The following COL4A3 variants were observed in gnomAD, a reference collection of about 807,000 sequenced individuals.
COL4A3 encodes collagen alpha-3(IV) chain.
In COL4A3, 135 loss-of-function variants were observed where a neutral mutation model predicts 217.4. That is an observed-to-expected ratio of 0.62 (90% confidence interval 0.54 to 0.72). The LOEUF (loss-of-function observed/expected upper bound fraction) is 0.72. COL4A3 is among the 30% of genes least tolerant of loss of function. COL4A3 has a pLI of 0.00. For synonymous variants in COL4A3, 690 were observed against 736.3 expected, an observed-to-expected ratio of 0.94 and a Z score of 1.02; for missense variants, 1,868 against 2,119.9, an observed-to-expected ratio of 0.88 and a Z score of 2.33.
intron 26 of COL4A3, among the ~76,000 whole-genome samples, chr2:227,275,169 CTGTTGT>C (rs200536643): frequency 4.6e-5 from 7 of 151,144 alleles, no homozygotes; most frequent in Admixed American, 1.3e-4. Context: ...ACCAAATGCT[CTGTTGT>C]TGTTGTTGTT....
At chr2:227,221,740 CCT>C (rs1270086376) in intron 1 of COL4A3, among the ~76,000 whole-genome samples, 11 of 152,120 alleles carry the variant, frequency 7.2e-5, no homozygotes, top group Admixed American at 5.9e-4. Context: ...TTTTCTTCCC[CCT>C]GTTAGAACAT....
chr2:227,219,121 A>G (rs1013595408), intron 1 of COL4A3, among the ~76,000 whole-genome samples: 4 of 152,036 alleles, frequency 2.6e-5, no homozygotes, highest in Admixed American at 2.6e-4. Flanking sequence ...CGGCCTCCCA[A>G]GTAGCTGGGA....
chr2:227,191,822 A>G lies in COL4A3; in HGVS notation c.87+27009A>G, dbSNP rs1040005494. 6.6e-6 allele frequency among the ~76,000 whole-genome samples: 1 copy of G among 152,244 alleles called. No individual in the cohort carries two copies. The highest frequency in any genetic ancestry group is 1.5e-5 in the Non-Finnish European group (1 of 68,044). On this transcript the variant is annotated intron_variant, in intron 1 of 51. Transcript: ENST00000396578. This position sits in a 1 kb window ranked among gnomAD's most constrained non-coding sequence, Gnocchi z 6.8. ...AATTAGTTTCTGGAACGCTAATAAT[A>G]AGAAGAACTTAGAATATTACAGATT...
At chr2:227,278,751 A>T (rs746245739) in intron 28 of COL4A3, among the ~76,000 whole-genome samples, 2 of 152,196 alleles carry the variant, frequency 1.3e-5, no homozygotes, top group Non-Finnish European at 2.9e-5. Flanking sequence ...TGACTGTGGG[A>T]ACCAGAACTA....
intron 20 of COL4A3, among the ~76,000 whole-genome samples, 153 bp downstream of exon 20, chr2:227,261,270 A>G (rs543332771): frequency 1.3e-5 from 2 of 152,378 alleles, no homozygotes; most frequent in South Asian, 2.1e-4. Context: ...CACGCCTGTA[A>G]TCCCAGCATT....
chr2:227,307,659 G>C (rs73993953), intron 47 of COL4A3, 51 bp from the exon 48 acceptor site: 2 of 1,464,992 alleles, frequency 1.4e-6, no homozygotes, highest in Non-Finnish European at 9.6e-7. Context: ...TTGAAAAAAC[G>C]AGTTTAAGAT....
rs1412589585 is a variant in COL4A3 at position 227,263,698 on chromosome 2, TA to T, written c.1151-79del. 2.7e-5 allele frequency: 37 copies of T among 1,358,332 alleles called. No individual in the cohort carries two copies. In the African/African-American group the frequency reaches 4.1e-4, roughly 15 times the overall value. 84.1% of individuals were successfully genotyped at this position (1,358,332 alleles called of 1,614,324 possible). A position where few individuals can be genotyped will look rare whatever the true frequency, so the allele number is the denominator to read the frequency against. The stretch of plus-strand genomic sequence containing the variant: ...ATTGTGCAATTTTTATAAATAAAAT[TA>T]AATCACTCTTGCAATTAAAAAATAA... On this transcript the variant is annotated intron_variant, in intron 20 of 51. Coordinates refer to ENST00000396578, the MANE Select transcript of COL4A3 (RefSeq NM_000091.5).
At chr2:227,202,523 T>A (rs1489269955) in intron 1 of COL4A3, among the ~76,000 whole-genome samples, 2 of 151,534 alleles carry the variant, frequency 1.3e-5, no homozygotes, top group Non-Finnish European at 2.9e-5. Flanking sequence ...GGCGGGCGGA[T>A]CACTAGGTCA....
chr2:227,216,389 AG>A (rs1398721421), intron 1 of COL4A3, among the ~76,000 whole-genome samples: 2 of 152,234 alleles, frequency 1.3e-5, no homozygotes, highest in Non-Finnish European at 2.9e-5. Flanking sequence ...AATACTACAA[AG>A]ATTCTGCACT....
chr2:227,204,324 C>T (rs529516020), intron 1 of COL4A3, among the ~76,000 whole-genome samples: 9 of 152,166 alleles, frequency 5.9e-5, no homozygotes, highest in Non-Finnish European at 1.3e-4. Context: ...TTAGCTGCCA[C>T]CTGGTACTGC....
intron 41 of COL4A3, chr2:227,296,163 G>A (rs2073019847): frequency 6.6e-6 from 1 of 152,220 alleles, no homozygotes; most frequent in South Asian, 2.1e-4. Context: ...GTAGACAAGA[G>A]CTGTTCTCTC....
At chr2:227,276,347 A>G (rs750229555) in intron 26 of COL4A3, 38 bp from the exon 27 acceptor site, 1 of 1,428,930 alleles carries the variant, frequency 7.0e-7, no homozygotes, top group Non-Finnish European at 9.9e-7. Flanking sequence ...ACAAGCTTCA[A>G]TATATACCCC....
rs775700977 is a variant in COL4A3 at position 227,259,912 on chromosome 2, A to T, written c.1114+35A>T. ...AATTTCTTCCTAAAGCATTTGCTGA[A>T]CATATTTCTGGCTTTCTTTCAAGGT... On this transcript the variant is annotated intron_variant, in intron 19 of 51. Transcript: ENST00000396578. 4 of 1,481,858 alleles carry T rather than the reference A, an allele frequency of 2.7e-6. No individual in the cohort carries two copies. The African/African-American group carries it at 5.5e-5, about 21-fold the overall frequency. The allele number at this position is 1,481,858 out of a possible 1,614,324, so 91.8% of individuals were successfully genotyped here.
At chr2:227,310,677 T>C in intron 50 of COL4A3, 99 bp from the exon 51 acceptor site, 2 of 943,694 alleles carry the variant, frequency 2.1e-6, no homozygotes, top group East Asian at 2.6e-5. Context: ...CCCCTTTCTT[T>C]ACTCACAGTT....
At chr2:227,212,430 T>C (rs13419411) in intron 1 of COL4A3, among the ~76,000 whole-genome samples, 23,202 of 152,214 alleles carry the variant, frequency 0.15, 1,920 homozygotes, top group Admixed American at 0.19. Context: ...AGTCCTTAGT[T>C]CATTTGGCAT....
chr2:227,175,668 G>A (rs188468789), intron 1 of COL4A3, among the ~76,000 whole-genome samples: 45 of 152,292 alleles, frequency 3.0e-4, no homozygotes, highest in African/African-American at 1.0e-3. Flanking sequence ...TGGGTCTGTC[G>A]TGGTTATGCT....
In COL4A3 at chr2:227,284,355, T is replaced by C; in HGVS notation, c.2881+10T>C. 1 of 1,612,192 alleles carries C rather than the reference T, an allele frequency of 6.2e-7. No individual in the cohort carries two copies. The highest frequency in any genetic ancestry group is 1.3e-5 in the African/African-American group (1 of 74,992). ...GAACCAGGTCTCAAAGGTAAAGAAT[T>C]GCTTGTTTGGAATCAGGACATCAGA... On this transcript the variant is annotated intron_variant, in intron 34 of 51. Coordinates refer to ENST00000396578, the MANE Select transcript of COL4A3 (RefSeq NM_000091.5).
chr2:227,223,626 T>C (rs1470553603), intron 1 of COL4A3, among the ~76,000 whole-genome samples: 1 of 151,986 alleles, frequency 6.6e-6, no homozygotes, highest in Non-Finnish European at 1.5e-5. Context: ...CCCAGCTACT[T>C]GGGAAATTGT....
chr2:227,171,236 T>G (rs112366137), intron 1 of COL4A3, among the ~76,000 whole-genome samples: 4,533 of 152,336 alleles, frequency 0.03, 126 homozygotes, highest in Non-Finnish European at 0.044. Flanking sequence ...ATTTCCTTGC[T>G]TTTTAAAATG....
Sources: allele counts gnomAD v4.1 joint callset (sites outside exome capture counted in the v4.1 genomes callset), GRCh38; gene constraint gnomAD v4.1.1; non-coding constraint Gnocchi (gnomAD v3.1); transcripts MANE v1.5; gene names NCBI Gene and HGNC (gene_info 2026-07-23, HGNC 2026-07-21).